The following STIL variants were observed in gnomAD, a reference collection of about 807,000 sequenced individuals.
STIL encodes the protein SCL-interrupting locus protein.
STIL carries 55 observed loss-of-function variants against 110.1 expected under a neutral mutation model. The ratio of observed to expected loss-of-function variants is 0.50; its 90% CI spans 0.40 to 0.63. STIL has a LOEUF of 0.63. Ranked by LOEUF, STIL falls within the 20% of genes least tolerant of loss-of-function variation. The probability of loss-of-function intolerance (pLI) is 0.00; values close to 1 mark genes in which losing one functional copy is unlikely to be tolerated. For missense variants in STIL, 1,358 were observed against 1,530.0 expected (o/e 0.89, Z 1.87); for synonymous variants, 481 against 530.0 (o/e 0.91, Z 1.27).
At chr1:47,294,130 C>T (rs1195945784) in intron 7 of STIL, among the ~76,000 whole-genome samples, 1 of 152,204 alleles carries the variant, frequency 6.6e-6, no homozygotes, top group East Asian at 1.9e-4. Flanking sequence ...CATTCCCTTA[C>T]ATGGGTTCCC....
At chr1:47,295,631 G>T (rs1342817504) in intron 7 of STIL, 134 bp downstream of exon 7, 1 of 668,704 alleles carries the variant, frequency 1.5e-6, no homozygotes, top group African/African-American at 1.8e-5. Context: ...AGTAAAATAA[G>T]AAAACCTGAC....
At chr1:47,285,020 C>CTTTTTTTTT (rs35801422) in intron 10 of STIL, among the ~76,000 whole-genome samples, 1 of 134,718 alleles carries the variant, frequency 7.4e-6, no homozygotes. Flanking sequence ...CATTTTTTGT[C>CTTTTTTTTT]TTTTTTTTTT....
chr1:47,297,343 CA>C (rs34222408), intron 6 of STIL, among the ~76,000 whole-genome samples: 3,135 of 143,394 alleles, frequency 0.022, 83 homozygotes, highest in Admixed American at 0.076. Flanking sequence ...GACTCCATCT[CA>C]AAAAAAAAAA....
chr1:47,254,422 C>T (rs975295235), intron 16 of STIL, among the ~76,000 whole-genome samples: 1 of 152,014 alleles, frequency 6.6e-6, no homozygotes, highest in Non-Finnish European at 1.5e-5. Context: ...TCTACTTTGC[C>T]TATTTCCTCA....
chr1:47,289,565 T>G lies in STIL; in HGVS notation c.893A>C (p.Asn298Thr), dbSNP rs562083602. 1 of 1,613,708 alleles carries G rather than the reference T, an allele frequency of 6.2e-7. No homozygotes were observed. The highest frequency in any genetic ancestry group is 8.5e-7 in the Non-Finnish European group (1 of 1,179,712). ...VQERVFSESG[N>T]FIIVLYSMTH... ...CATAGAATAGAGAACTATGATGAAATTTCCAGATTCTGAAAAAACCCTGCA... is the reference window on the plus strand; with the variant it reads ...CATAGAATAGAGAACTATGATGAAAGTTCCAGATTCTGAAAAAACCCTGCA... Residue 298 changes from asparagine (N) to threonine (T), a missense_variant, in exon 9 of 17, where the codon AAT becomes ACT. By Grantham distance (65) the Asn-to-Thr change is moderately conservative. Transcript: ENST00000371877.
intron 6 of STIL, among the ~76,000 whole-genome samples, chr1:47,298,362 T>C (rs1391755190): frequency 6.6e-6 from 1 of 152,206 alleles, no homozygotes; most frequent in East Asian, 1.9e-4. Flanking sequence ...GGAAGCAGCC[T>C]TGCTGAAGAT....
Position 47,287,002 on chromosome 1 carries a change from C to T in STIL, c.1133+549G>A, listed in dbSNP as rs559056141. ...ACTCCCAAAGTGCTGGGATTATAGGCGTGAGCCATCACACTCCAGCTAGTA... is the reference window on the plus strand; with the variant it reads ...ACTCCCAAAGTGCTGGGATTATAGGTGTGAGCCATCACACTCCAGCTAGTA... On this transcript the variant is annotated intron_variant, in intron 10 of 16. Transcript: ENST00000371877. 3.9e-5 allele frequency among the ~76,000 whole-genome samples: 6 copies of T among 152,158 alleles called. No individual in the cohort carries two copies. In the East Asian group the frequency reaches 5.9e-4, roughly 15 times the overall value.
intron 12 of STIL, among the ~76,000 whole-genome samples, chr1:47,273,750 A>C (rs924628523): frequency 6.6e-6 from 1 of 152,118 alleles, no homozygotes; most frequent in Non-Finnish European, 1.5e-5. Flanking sequence ...AAACACTATG[A>C]TTTTCTGCTT....
intron 13 of STIL, among the ~76,000 whole-genome samples, chr1:47,270,294 A>AC (rs1553172417): frequency 1.8e-4 from 26 of 148,248 alleles, no homozygotes; most frequent in Admixed American, 9.5e-4. Context: ...ACACACACAC[A>AC]ATTACTTAGA....
Position 47,251,896 on chromosome 1 carries a change from G to A in STIL, c.3107C>T (p.Ala1036Val). The change falls in exon 17 of 17, where the codon GCA becomes GTA. Residue 1036 changes from alanine to valine, a missense_variant. Physicochemically the swap from Ala to Val is moderately conservative, Grantham distance 64 (BLOSUM62 0). Transcript: ENST00000371877. The part of the protein sequence containing the change: ...ASVLACISPE[A>V]VISGLNCMSF... ...CATGCAGTTTAATCCAGAGATCACT[G>A]CTTCTGGGCTGATGCATGCCAACAC... 6.2e-7 allele frequency: 1 copy of A among 1,610,926 alleles called. No individual in the cohort carries two copies. The highest frequency in any genetic ancestry group is 8.5e-7 in the Non-Finnish European group (1 of 1,179,038).
At chr1:47,253,960 C>T (rs1226387860) in intron 16 of STIL, among the ~76,000 whole-genome samples, 1 of 152,024 alleles carries the variant, frequency 6.6e-6, no homozygotes, top group Non-Finnish European at 1.5e-5. Flanking sequence ...GAGCAGATCA[C>T]CTGAGGTCAG....
At chr1:47,271,842 A>G (rs1644850545) in intron 13 of STIL, among the ~76,000 whole-genome samples, 2 of 151,856 alleles carry the variant, frequency 1.3e-5, no homozygotes, top group Non-Finnish European at 2.9e-5. Flanking sequence ...AAAAAACCAG[A>G]ATTGGGTCCA....
At chr1:47,275,920 C>A (rs7354822) in intron 12 of STIL, among the ~76,000 whole-genome samples, 38,424 of 151,984 alleles carry the variant, frequency 0.25, 5,209 homozygotes, top group Non-Finnish European at 0.31. Context: ...AGCCAGTGGG[C>A]CCAGCCAAGA....
At chr1:47,289,401 A>G (rs768420560) in intron 9 of STIL, 34 bp downstream of exon 9, 7 of 1,603,180 alleles carry the variant, frequency 4.4e-6, no homozygotes, top group South Asian at 1.1e-5. Context: ...AACCCTAAAC[A>G]GTCACTAATG....
chr1:47,312,310 G>A (rs898373955), intron 1 of STIL, among the ~76,000 whole-genome samples: 2 of 152,088 alleles, frequency 1.3e-5, no homozygotes, highest in Admixed American at 1.3e-4. Context: ...CTAACACGAT[G>A]AAACCCCGTC....
intron 8 of STIL, among the ~76,000 whole-genome samples, chr1:47,292,939 A>G (rs1278683195): frequency 6.6e-6 from 1 of 152,186 alleles, no homozygotes; most frequent in Admixed American, 6.5e-5. Context: ...AATACTGACA[A>G]AGATGTCACC....
intron 6 of STIL, among the ~76,000 whole-genome samples, chr1:47,298,890 C>T (rs1447761017): frequency 3.9e-5 from 6 of 151,972 alleles, no homozygotes; most frequent in African/African-American, 1.4e-4. Flanking sequence ...ATTACAGGCA[C>T]GTGCCACCAT....
At chr1:47,256,717 A>G (rs975911199) in intron 16 of STIL, among the ~76,000 whole-genome samples, 3 of 149,226 alleles carry the variant, frequency 2.0e-5, no homozygotes, top group Non-Finnish European at 4.5e-5. Context: ...AACATCGGCC[A>G]GGCACGGTGG....
intron 13 of STIL, among the ~76,000 whole-genome samples, chr1:47,271,532 C>G (rs1028028122): frequency 6.9e-6 from 1 of 144,760 alleles, no homozygotes; most frequent in African/African-American, 2.6e-5. Context: ...GCACTCCAGC[C>G]TGTGTGACGG....
Sources: allele counts gnomAD v4.1 joint callset (sites outside exome capture counted in the v4.1 genomes callset), GRCh38; gene constraint gnomAD v4.1.1; transcripts MANE v1.5; gene names NCBI Gene and HGNC (gene_info 2026-07-23, HGNC 2026-07-21).